SLC2A9: variants seen among roughly 807,000 people sequenced by gnomAD.
The protein encoded by SLC2A9 is solute carrier family 2 member 9.
In SLC2A9, 39 loss-of-function variants were observed where a neutral mutation model predicts 50.6. That is an observed-to-expected ratio of 0.77 (90% CI 0.60 to 1.01). SLC2A9 has a LOEUF of 1.01. Ranked by LOEUF, SLC2A9 falls within the 50% of genes least tolerant of loss-of-function variation. SLC2A9 has a pLI of 0.00. For missense variants in SLC2A9, 686 were observed against 677.6 expected (o/e 1.01, Z -0.14); for synonymous variants, 324 against 276.9 (o/e 1.17, Z -1.69).
At chr4:9,873,607 G>A (rs886905473) in intron 10 of SLC2A9, among the ~76,000 whole-genome samples, 15 of 152,174 alleles carry the variant, frequency 9.9e-5, no homozygotes, top group South Asian at 6.2e-4. Flanking sequence ...GACAGTGATG[G>A]ACATGTGGTC....
intron 3 of SLC2A9, among the ~76,000 whole-genome samples, chr4:9,799,696 C>T (rs1346681775): frequency 6.2e-5 from 4 of 64,328 alleles, no homozygotes; most frequent in Admixed American, 1.4e-4. Flanking sequence ...AATTGTACCC[C>T]CCCCCCACCC....
intron 6 of SLC2A9, among the ~76,000 whole-genome samples, chr4:9,937,005 C>T (rs578252908): frequency 2.6e-5 from 4 of 152,198 alleles, no homozygotes; most frequent in Non-Finnish European, 4.4e-5. Context: ...ACTTCCTTCC[C>T]TGTGCTGTGG....
At chr4:9,840,416 C>G (rs565427962) in intron 10 of SLC2A9, among the ~76,000 whole-genome samples, 7 of 152,104 alleles carry the variant, frequency 4.6e-5, no homozygotes, top group South Asian at 4.2e-4. Flanking sequence ...TTCAGGCAGG[C>G]CTTCTTTTAT....
chr4:9,813,689 T>A (rs537452994), intron 3 of SLC2A9, among the ~76,000 whole-genome samples: 1 of 152,248 alleles, frequency 6.6e-6, no homozygotes, highest in East Asian at 1.9e-4. Flanking sequence ...CAGTGATAAA[T>A]CCATCAATAA....
chr4:10,016,248 T>C (rs1030997956), intron 2 of SLC2A9, among the ~76,000 whole-genome samples: 3 of 152,146 alleles, frequency 2.0e-5, no homozygotes, highest in Non-Finnish European at 2.9e-5. Context: ...TAAAAATGAC[T>C]GAAAATGTGT....
chr4:9,864,726 A>G (rs1157946950), intron 10 of SLC2A9, among the ~76,000 whole-genome samples: 1 of 152,240 alleles, frequency 6.6e-6, no homozygotes, highest in Non-Finnish European at 1.5e-5. Flanking sequence ...ATGCCATTTC[A>G]TATTTCCATT....
intron 4 of SLC2A9, among the ~76,000 whole-genome samples, chr4:9,984,850 C>T (rs1181877269): frequency 6.6e-6 from 1 of 152,212 alleles, no homozygotes; most frequent in Non-Finnish European, 1.5e-5. Flanking sequence ...TTCATCTCAA[C>T]CCTCCCTGCA....
At position 9,890,641 on chromosome 4, in the gene SLC2A9, A is replaced by G. The variant is rs1737213093; in HGVS notation, c.1184T>C (p.Phe395Ser). The change falls in exon 9 of 12, where the codon TTT (phenylalanine) becomes TCT (serine). Residue 395 changes from phenylalanine to serine, a missense_variant. Coordinates refer to ENST00000264784, the MANE Select transcript of SLC2A9 (RefSeq NM_020041.3). ...IGGFGLMGLF[F>S]GTLTITLTLQ... is the part of the protein sequence containing the mutation. ...GGTCAGCGTGATGGTGAGGGTCCCA[A>G]AGAAGAGGCCCATGAGCCCAAAGCC... 6.2e-7 allele frequency: 1 copy of G among 1,614,004 alleles called. No individual in the cohort carries two copies. The highest frequency in any genetic ancestry group is 1.1e-5 in the South Asian group (1 of 91,072).
At chr4:9,794,196 T>G (rs1046586661), downstream of SLC2A9, among the ~76,000 whole-genome samples, 8 of 151,988 alleles carry the variant, frequency 5.3e-5, no homozygotes, top group Non-Finnish European at 1.2e-4. Context: ...TCTCCCAGGC[T>G]GGAGTGCAAT....
intron 3 of SLC2A9, among the ~76,000 whole-genome samples, chr4:9,820,874 A>C (rs1462577126): frequency 6.6e-6 from 1 of 152,222 alleles, no homozygotes; most frequent in African/African-American, 2.4e-5. Context: ...GAATAGAAAC[A>C]GTTTTATTTT....
chr4:10,023,852 G>A (rs955056038), upstream of SLC2A9, among the ~76,000 whole-genome samples: 2 of 152,204 alleles, frequency 1.3e-5, no homozygotes, highest in Non-Finnish European at 2.9e-5. Flanking sequence ...TCCAAAGCGA[G>A]GGCTGGTTCC....
At chr4:9,775,415 T>G (rs1717420494), downstream of SLC2A9, among the ~76,000 whole-genome samples, 4 of 152,164 alleles carry the variant, frequency 2.6e-5, no homozygotes, top group Admixed American at 2.6e-4. Context: ...AAAGGGGACC[T>G]GGAAACCAGG....
chr4:9,904,317 C>A (rs1740223154), intron 8 of SLC2A9, among the ~76,000 whole-genome samples: 1 of 152,186 alleles, frequency 6.6e-6, no homozygotes, highest in African/African-American at 2.4e-5. Context: ...TTGCCTGCTG[C>A]AGCTTCTAGA....
intron 4 of SLC2A9, among the ~76,000 whole-genome samples, chr4:9,983,340 C>T (rs879864026): frequency 3.9e-5 from 6 of 152,190 alleles, no homozygotes; most frequent in East Asian, 1.9e-4. Flanking sequence ...TTATTCTGCA[C>T]GTGGCCATGG....
At chr4:9,914,739 C>A (rs1261271600) in intron 7 of SLC2A9, among the ~76,000 whole-genome samples, 2 of 152,070 alleles carry the variant, frequency 1.3e-5, no homozygotes, top group African/African-American at 2.4e-5. Flanking sequence ...ATTTCAACCA[C>A]CCCGGCCTTG....
Position 9,914,328 on chromosome 4 carries a change from C to T in SLC2A9, c.1003-5983G>A, listed in dbSNP as rs375094968. Among the ~76,000 whole-genome samples the T allele has an allele frequency of 1.6e-4, 25 of 152,298 alleles. No homozygotes were observed. The South Asian group carries it at 5.2e-3, about 32-fold the overall frequency. On this transcript the variant is annotated intron_variant, in intron 7 of 11. Transcript: ENST00000264784. ...CACCAAGGGCAGGCTGTGTGCTTCA[C>T]GGCAATGTATGGAAGCCCACTCTCT... is the stretch of plus-strand genomic sequence containing the variant.
chr4:9,967,703 G>T (rs1034416613), intron 5 of SLC2A9, among the ~76,000 whole-genome samples: 6 of 151,812 alleles, frequency 4.0e-5, no homozygotes, highest in South Asian at 4.1e-4. Context: ...TGGGAATAAA[G>T]ATATATTTCT....
intron 11 of SLC2A9, among the ~76,000 whole-genome samples, chr4:9,827,108 C>A (rs1725275312): frequency 6.6e-6 from 1 of 152,244 alleles, no homozygotes; most frequent in East Asian, 1.9e-4. Flanking sequence ...GGCGGCCTTG[C>A]ACAAATAAGA....
At chr4:9,782,771 A>G (rs1718649059) in intron 3 of SLC2A9, 1 of 1,613,890 alleles carries the variant, frequency 6.2e-7, no homozygotes, top group Admixed American at 1.7e-5. Context: ...CTACACGCGC[A>G]TCTACCGCAT....
Sources: allele counts gnomAD v4.1 joint callset (sites outside exome capture counted in the v4.1 genomes callset), GRCh38; gene constraint gnomAD v4.1.1; transcripts MANE v1.5; gene names NCBI Gene and HGNC (gene_info 2026-07-23, HGNC 2026-07-21).